SV2C: variants seen among roughly 807,000 people sequenced by gnomAD.
SV2C encodes the protein synaptic vesicle glycoprotein 2C.
Under a neutral mutation model 79.7 loss-of-function variants are expected in SV2C, and 49 were observed. That is an observed-to-expected ratio of 0.61 (90% confidence interval 0.49 to 0.78). The LOEUF (loss-of-function observed/expected upper bound fraction) is 0.78, where lower values mean the gene tolerates loss of function less well. Ranked by LOEUF, SV2C falls within the 30% of genes least tolerant of loss-of-function variation. The pLI is 0.00. For missense variants in SV2C, 833 were observed against 912.9 expected (o/e 0.91, Z 1.13); for synonymous variants, 334 against 333.2 (o/e 1.00, Z -0.03).
chr5:76,318,422 A>T (rs2913256), intron 12 of SV2C, among the ~76,000 whole-genome samples: 1 of 151,952 alleles, frequency 6.6e-6, no homozygotes, highest in Admixed American at 6.5e-5. Context: ...CATCTCAAAA[A>T]GAAAGAAAGA....
intron 1 of SV2C, among the ~76,000 whole-genome samples, chr5:76,085,847 A>C (rs1241985440): frequency 1.3e-5 from 2 of 151,788 alleles, no homozygotes; most frequent in East Asian, 3.9e-4. Context: ...ACACACACAC[A>C]CACACACACA....
chr5:75,945,684 G>T, the SV2C span, among the ~76,000 whole-genome samples: 1 of 151,868 alleles, frequency 6.6e-6, no homozygotes, highest in African/African-American at 2.4e-5. Flanking sequence ...TTAGACCATA[G>T]AACAAACCTT....
chr5:75,964,394 T>G, the SV2C span, among the ~76,000 whole-genome samples: 4 of 152,136 alleles, frequency 2.6e-5, no homozygotes, highest in Non-Finnish European at 5.9e-5. Context: ...TTACTTTATT[T>G]GAAATAAAGA....
the SV2C span, among the ~76,000 whole-genome samples, chr5:76,034,537 A>T: frequency 6.6e-6 from 1 of 152,170 alleles, no homozygotes; most frequent in South Asian, 2.1e-4. Context: ...CTCTGTTTAT[A>T]TGCTGGATTA....
chr5:76,130,860 A>G (rs762725635), intron 1 of SV2C, among the ~76,000 whole-genome samples: 20 of 152,112 alleles, frequency 1.3e-4, no homozygotes, highest in Non-Finnish European at 2.5e-4. Flanking sequence ...CCAGAGATGA[A>G]GAAAATAGAA....
chr5:76,005,689 G>A, the SV2C span, among the ~76,000 whole-genome samples: 1 of 152,192 alleles, frequency 6.6e-6, no homozygotes, highest in Non-Finnish European at 1.5e-5. Context: ...TTGCTAAGCT[G>A]ATAGACTTCT....
the SV2C span, among the ~76,000 whole-genome samples, chr5:75,908,561 A>C: frequency 6.6e-6 from 1 of 152,210 alleles, no homozygotes. Context: ...CCCATGGTTG[A>C]ACTACCTGTA....
chr5:76,113,140 T>C (rs1004770256), intron 1 of SV2C, among the ~76,000 whole-genome samples: 1 of 152,278 alleles, frequency 6.6e-6, no homozygotes, highest in Non-Finnish European at 1.5e-5. Context: ...ATTCTTACTA[T>C]GTCTTTTAAT....
intron 2 of SV2C, among the ~76,000 whole-genome samples, chr5:76,171,925 G>C (rs1325388144): frequency 8.3e-6 from 1 of 120,506 alleles, no homozygotes; most frequent in Non-Finnish European, 1.9e-5. Context: ...CGCCCCGTCC[G>C]GGAGGGAGGT....
chr5:75,981,531 G>A, the SV2C span, among the ~76,000 whole-genome samples: 2 of 152,080 alleles, frequency 1.3e-5, no homozygotes, highest in Non-Finnish European at 2.9e-5. Flanking sequence ...ATAGACCAAT[G>A]GAACAGAATA....
chr5:75,990,727 C>T, the SV2C span, among the ~76,000 whole-genome samples: 1 of 151,846 alleles, frequency 6.6e-6, no homozygotes, highest in African/African-American at 2.4e-5. Context: ...ATGGGTGCAG[C>T]ACACCAACAT....
At chr5:76,308,676 T>TGAGA (rs10681007) in intron 12 of SV2C, among the ~76,000 whole-genome samples, 45,276 of 151,892 alleles carry the variant, frequency 0.3, 7,111 homozygotes, top group East Asian at 0.43. Context: ...ATTCCAAGTC[T>TGAGA]GAGATCTATG....
chr5:76,069,400 C>T, the SV2C span, among the ~76,000 whole-genome samples: 1 of 152,306 alleles, frequency 6.6e-6, no homozygotes, highest in East Asian at 1.9e-4. Flanking sequence ...CCATGTTGCA[C>T]TCTCTACCTT....
intron 4 of SV2C, among the ~76,000 whole-genome samples, chr5:76,264,122 T>A (rs1012501089): frequency 6.6e-6 from 1 of 152,046 alleles, no homozygotes; most frequent in Non-Finnish European, 1.5e-5. Context: ...TTGGAGGATT[T>A]GTTCATTCCT....
At chr5:76,253,708 GAAAA>G (rs11390195) in intron 4 of SV2C, among the ~76,000 whole-genome samples, 1 of 118,208 alleles carries the variant, frequency 8.5e-6, no homozygotes, top group Non-Finnish European at 1.7e-5. Flanking sequence ...CCTCCCTAAG[GAAAA>G]AAAAAAAAAA....
intron 4 of SV2C, among the ~76,000 whole-genome samples, chr5:76,239,754 C>T (rs1226340428): frequency 6.6e-6 from 1 of 152,170 alleles, no homozygotes; most frequent in Non-Finnish European, 1.5e-5. Context: ...GCAAAATCTG[C>T]AATGCCTTTC....
chr5:76,296,147 T>A lies in SV2C; in HGVS notation c.1502+205T>A. On this transcript the variant is annotated intron_variant, in intron 9 of 12. Transcript: ENST00000502798. ...ATCCATTACTTCACTTAAAACTATT[T>A]TTGCAGCTAAGTTGCTTCATATTTA... is the stretch of plus-strand genomic sequence containing the variant. 1.0e-5 allele frequency: 4 copies of A among 392,222 alleles called. No individual in the cohort carries two copies. The South Asian group carries it at 1.9e-4, about 19-fold the overall frequency. The allele number at this position is 392,222 out of a possible 1,614,324, so 24.3% of individuals were successfully genotyped here. A position where few individuals can be genotyped will look rare whatever the true frequency, so the allele number is the denominator to read the frequency against.
At chr5:76,204,039 A>G (rs765076012) in intron 3 of SV2C, among the ~76,000 whole-genome samples, 20 of 152,204 alleles carry the variant, frequency 1.3e-4, no homozygotes, top group Non-Finnish European at 2.6e-4. Context: ...CTATTCAGAA[A>G]GAGTGTTAGG....
chr5:76,044,472 T>C, the SV2C span, among the ~76,000 whole-genome samples: 1 of 152,214 alleles, frequency 6.6e-6, no homozygotes, highest in Non-Finnish European at 1.5e-5. Context: ...TCTAGGTCTT[T>C]GAGGAATCGC....
Sources: gnomAD v4.1 joint callset for allele counts (sites outside exome capture counted in the v4.1 genomes callset) on GRCh38, gnomAD v4.1.1 for gene constraint, MANE v1.5 for transcripts, NCBI Gene and HGNC (gene_info 2026-07-23, HGNC 2026-07-21) for gene names.